PDE4D: variants seen among roughly 807,000 people sequenced by gnomAD.
The protein encoded by PDE4D is 3',5'-cyclic-AMP phosphodiesterase 4D.
In PDE4D, 24 loss-of-function variants were observed where a neutral mutation model predicts 87.4. The observed-to-expected ratio is 0.27, with a 90% CI of 0.20 to 0.39. The LOEUF (loss-of-function observed/expected upper bound fraction) is 0.39, where lower values mean the gene tolerates loss of function less well. PDE4D is among the 10% of genes least tolerant of loss of function. PDE4D has a pLI of 1.00. For missense variants in PDE4D, 714 were observed against 1,041.0 expected, an observed-to-expected ratio of 0.69 and a Z score of 4.32; for synonymous variants, 384 against 383.2, an observed-to-expected ratio of 1.00 and a Z score of -0.02.
intron 5 of PDE4D, among the ~76,000 whole-genome samples, chr5:59,168,917 T>A (rs1782308498): frequency 6.6e-6 from 1 of 152,220 alleles, no homozygotes; most frequent in Admixed American, 6.5e-5. Context: ...GAAGCAGGAA[T>A]AGCAACGGTG....
At chr5:59,615,994 G>A (rs1829616947) in intron 1 of PDE4D, among the ~76,000 whole-genome samples, 1 of 151,058 alleles carries the variant, frequency 6.6e-6, no homozygotes, top group Non-Finnish European at 1.5e-5. Context: ...TATACTTTAA[G>A]TTTTAGGGTA....
chr5:60,114,738 C>A lies in PDE4D; in HGVS notation c.42+70819G>T, dbSNP rs534162607. Among the ~76,000 whole-genome samples, 5 of 152,200 alleles carry A rather than the reference C, an allele frequency of 3.3e-5. No homozygotes were observed. The South Asian group carries it at 6.2e-4, about 19-fold the overall frequency. On this transcript the variant is annotated intron_variant, in intron 2 of 16. Coordinates refer to the PDE4D transcript ENST00000502484. ...TCATCACTTTGCTTGTTAAATCTTA[C>A]TGAAATAACATAGAATGTCACAGTG...
chr5:60,447,805 C>T (rs182566917), intron 1 of PDE4D, among the ~76,000 whole-genome samples: 211 of 152,256 alleles, frequency 1.4e-3, no homozygotes, highest in Non-Finnish European at 2.6e-3. Flanking sequence ...GTCCCTTCAT[C>T]GGCAGCGAGA....
At chr5:60,264,687 G>T (rs566916751) in intron 1 of PDE4D, among the ~76,000 whole-genome samples, 2 of 152,326 alleles carry the variant, frequency 1.3e-5, no homozygotes, top group East Asian at 3.9e-4. Flanking sequence ...TGAACTGGGG[G>T]TGTGGGATAC....
At chr5:59,197,145 AT>A (rs1451317282) in intron 2 of PDE4D, among the ~76,000 whole-genome samples, 1 of 152,136 alleles carries the variant, frequency 6.6e-6, no homozygotes, top group Non-Finnish European at 1.5e-5. Flanking sequence ...ATGTCTCCTA[AT>A]TTTTTATATA....
intron 1 of PDE4D, among the ~76,000 whole-genome samples, chr5:59,746,363 C>G (rs1316268501): frequency 6.6e-6 from 1 of 152,084 alleles, no homozygotes; most frequent in Non-Finnish European, 1.5e-5. Flanking sequence ...ACTGGGCAGA[C>G]CTGGCCAGTC....
At chr5:60,259,777 C>T (rs1445587538) in intron 1 of PDE4D, among the ~76,000 whole-genome samples, 1 of 151,976 alleles carries the variant, frequency 6.6e-6, no homozygotes, top group Non-Finnish European at 1.5e-5. Flanking sequence ...GGCTCCTGCC[C>T]TCAAAGAGTT....
At chr5:59,257,167 T>A (rs1319313764) in intron 1 of PDE4D, among the ~76,000 whole-genome samples, 3 of 152,064 alleles carry the variant, frequency 2.0e-5, no homozygotes, top group Non-Finnish European at 4.4e-5. Context: ...GATTTTGCTG[T>A]TTTGTGACCA....
chr5:59,613,469 G>T (rs543234655), intron 1 of PDE4D, among the ~76,000 whole-genome samples: 6 of 152,264 alleles, frequency 3.9e-5, no homozygotes, highest in Middle Eastern at 3.4e-3. Context: ...TTGAAGTCTT[G>T]TGATTAGATG....
At chr5:59,760,144 AAAC>A (rs1405045647) in intron 1 of PDE4D, among the ~76,000 whole-genome samples, 1 of 152,198 alleles carries the variant, frequency 6.6e-6, no homozygotes, top group Non-Finnish European at 1.5e-5. Flanking sequence ...ACAACCATAA[AAAC>A]AACTACAGTT....
intron 1 of PDE4D, among the ~76,000 whole-genome samples, chr5:59,395,302 G>GACAGC (rs1009698394): frequency 6.6e-6 from 1 of 152,208 alleles, no homozygotes; most frequent in Non-Finnish European, 1.5e-5. Context: ...CAAACAAAAA[G>GACAGC]ACAGCAGTAA....
At chr5:59,981,862 T>C (rs1761963863) in intron 3 of PDE4D, among the ~76,000 whole-genome samples, 1 of 152,206 alleles carries the variant, frequency 6.6e-6, no homozygotes, top group Non-Finnish European at 1.5e-5. Context: ...TTTTTTATTT[T>C]CTGTTTGGAT....
chr5:60,388,377 GTTTT>G (rs992658250), intron 1 of PDE4D, among the ~76,000 whole-genome samples: 6 of 150,278 alleles, frequency 4.0e-5, no homozygotes, highest in African/African-American at 1.2e-4. Context: ...GTTTTTTGGG[GTTTT>G]TTCTTTATTT....
intron 2 of PDE4D, among the ~76,000 whole-genome samples, chr5:60,049,587 C>G (rs1188176584): frequency 2.0e-5 from 3 of 152,144 alleles, no homozygotes; most frequent in African/African-American, 7.2e-5. Context: ...TTCTAACAGA[C>G]AGGACCCTCA....
chr5:59,552,219 T>C (rs1359950630), intron 1 of PDE4D, among the ~76,000 whole-genome samples: 1 of 152,020 alleles, frequency 6.6e-6, no homozygotes, highest in Non-Finnish European at 1.5e-5. Context: ...AGTAAGTAAA[T>C]AAAGAGGTAT....
At chr5:60,085,425 C>T (rs143139386) in intron 2 of PDE4D, among the ~76,000 whole-genome samples, 1 of 152,224 alleles carries the variant, frequency 6.6e-6, no homozygotes, top group Non-Finnish European at 1.5e-5. Context: ...CCAGGCATAG[C>T]CAGTCTTATT....
chr5:59,275,237 T>A (rs1433451568), intron 1 of PDE4D: 4 of 937,256 alleles, frequency 4.3e-6, no homozygotes, highest in Non-Finnish European at 6.5e-6. Flanking sequence ...AATACTGCCT[T>A]CTTTCACAAA....
intron 2 of PDE4D, among the ~76,000 whole-genome samples, chr5:60,162,956 T>C (rs1401395583): frequency 1.3e-5 from 2 of 152,140 alleles, no homozygotes; most frequent in Non-Finnish European, 2.9e-5. Flanking sequence ...GAGAACAAAT[T>C]ACACAGAACC....
At chr5:60,228,554 T>A (rs1347472610) in intron 1 of PDE4D, among the ~76,000 whole-genome samples, 1 of 152,058 alleles carries the variant, frequency 6.6e-6, no homozygotes, top group East Asian at 1.9e-4. Flanking sequence ...TCCTCCTCTC[T>A]CCTTGAATCT....
Sources: gnomAD v4.1 joint callset for allele counts (sites outside exome capture counted in the v4.1 genomes callset) on GRCh38, gnomAD v4.1.1 for gene constraint, MANE v1.5 for transcripts, NCBI Gene and HGNC (gene_info 2026-07-23, HGNC 2026-07-21) for gene names.